Variants in LINGO2 observed in about 807,000 individuals in gnomAD.
LINGO2 encodes leucine-rich repeat and immunoglobulin-like domain-containing nogo receptor-interacting protein 2.
LINGO2 carries 14 observed loss-of-function variants against 30.6 expected under a neutral mutation model. The observed-to-expected ratio is 0.46, with a 90% CI of 0.30 to 0.72. The LOEUF is 0.72. LINGO2 is among the 30% of genes least tolerant of loss of function. The pLI, the probability that LINGO2 is intolerant of heterozygous loss-of-function variation, is 0.07. For synonymous variants in LINGO2, 317 were observed against 288.5 expected, an observed-to-expected ratio of 1.10 and a Z score of -1.00; for missense variants, 729 against 751.7, an observed-to-expected ratio of 0.97 and a Z score of 0.35.
intron 1 of LINGO2, among the ~76,000 whole-genome samples, chr9:28,643,611 A>T (rs1827704771): frequency 6.6e-6 from 1 of 152,128 alleles, no homozygotes; most frequent in Admixed American, 6.6e-5. Context: ...GAAACCTAGG[A>T]TATTGGTCTG....
the LINGO2 span, among the ~76,000 whole-genome samples, chr9:29,087,826 A>T: frequency 6.6e-6 from 1 of 152,130 alleles, no homozygotes; most frequent in Non-Finnish European, 1.5e-5. Context: ...CAGCTCTAGA[A>T]CTTACCAGCC....
chr9:28,601,615 G>A (rs16913380), intron 1 of LINGO2, among the ~76,000 whole-genome samples: 1 of 151,570 alleles, frequency 6.6e-6, no homozygotes, highest in Admixed American at 6.6e-5. Flanking sequence ...CTTTTTATAC[G>A]GCATAATTTG....
chr9:29,038,673 G>GAAAAAAAAAAAAAA, the LINGO2 span, among the ~76,000 whole-genome samples: 1 of 126,084 alleles, frequency 7.9e-6, no homozygotes, highest in African/African-American at 3.0e-5. Context: ...TCACTACTCA[G>GAAAAAAAAAAAAAA]AAAAAAAAAA....
intron 4 of LINGO2, among the ~76,000 whole-genome samples, chr9:28,282,759 T>G (rs1564094344): frequency 6.6e-6 from 1 of 152,132 alleles, no homozygotes; most frequent in Non-Finnish European, 1.5e-5. Flanking sequence ...TCGGAATTCT[T>G]GGCTAGGAAA....
At chr9:28,773,620 C>G in the LINGO2 span, among the ~76,000 whole-genome samples, 13 of 152,176 alleles carry the variant, frequency 8.5e-5, no homozygotes, top group East Asian at 2.1e-3. Flanking sequence ...TTAGGTTTAT[C>G]TATTATTCAT....
At chr9:27,980,219 A>G (rs10968248) in intron 5 of LINGO2, among the ~76,000 whole-genome samples, 41,926 of 151,926 alleles carry the variant, frequency 0.28, 6,682 homozygotes, top group South Asian at 0.35. Context: ...AGAAAGACAC[A>G]GCTTTAGCTA....
the LINGO2 span, among the ~76,000 whole-genome samples, chr9:29,188,708 C>G: frequency 7.2e-6 from 1 of 139,370 alleles, no homozygotes; most frequent in South Asian, 2.2e-4. Context: ...GGGGGCTGAC[C>G]CCCCCACCTC....
chr9:29,125,728 CTAAA>C, the LINGO2 span, among the ~76,000 whole-genome samples: 8 of 152,100 alleles, frequency 5.3e-5, no homozygotes, highest in African/African-American at 1.4e-4. Flanking sequence ...CTGTGGAAGA[CTAAA>C]TGAATGTAGA....
At chr9:28,523,842 C>T (rs1043696964) in intron 1 of LINGO2, among the ~76,000 whole-genome samples, 4 of 149,234 alleles carry the variant, frequency 2.7e-5, no homozygotes, top group East Asian at 1.9e-4. Context: ...ATGGCAATTC[C>T]GTACGAATTG....
rs12004808 is a variant in LINGO2 at position 28,553,515 on chromosome 9, C to T, written c.-364-77490G>A. Among the ~76,000 whole-genome samples the T allele has an allele frequency of 9.6e-3, 1,456 of 152,124 alleles. 10 individuals carry two copies. Among genetic ancestry groups the T allele is most frequent in the Middle Eastern group, 0.02 (6 of 294 alleles). On this transcript the variant is annotated intron_variant, in intron 1 of 5. Coordinates refer to ENST00000379992, the Ensembl canonical transcript of LINGO2. ...GGACTATGTGAAAAGACCAAATCTA[C>T]GTCTGATTGGTGTACCTGGAAGTGA...
chr9:28,512,139 T>A (rs1179495700), intron 1 of LINGO2, among the ~76,000 whole-genome samples: 1 of 152,100 alleles, frequency 6.6e-6, no homozygotes, highest in Non-Finnish European at 1.5e-5. Flanking sequence ...AGCACTTCCA[T>A]TTGATGACGC....
the LINGO2 span, among the ~76,000 whole-genome samples, chr9:28,767,401 T>A: frequency 6.6e-6 from 1 of 152,208 alleles, no homozygotes. Flanking sequence ...GCCCTGACAT[T>A]TATAGCAATT....
At chr9:28,192,372 A>G (rs1819853721) in intron 4 of LINGO2, among the ~76,000 whole-genome samples, 1 of 152,096 alleles carries the variant, frequency 6.6e-6, no homozygotes, top group Admixed American at 6.6e-5. Flanking sequence ...TAATTAATTT[A>G]ATTAATTATT....
chr9:27,971,407 A>G (rs1820348561), intron 5 of LINGO2, among the ~76,000 whole-genome samples: 2 of 152,114 alleles, frequency 1.3e-5, no homozygotes, highest in Non-Finnish European at 2.9e-5. Flanking sequence ...TTTTAGATTG[A>G]GTTCTGCTCC....
chr9:28,602,196 C>T lies in LINGO2; in HGVS notation c.-365+68004G>A, dbSNP rs150670347. ...TTGCATCTCAGAGTTTGTCTTAAGG[C>T]AAGGAATATGGGCTGTTTTGTGTTC... is the stretch of plus-strand genomic sequence containing the variant. On this transcript the variant is annotated intron_variant, in intron 1 of 5. Coordinates refer to ENST00000379992, the Ensembl canonical transcript of LINGO2. Among the ~76,000 whole-genome samples, 357 of 152,080 alleles carry T rather than the reference C, an allele frequency of 2.3e-3. 3 individuals are homozygous for T. The highest frequency in any genetic ancestry group is 8.3e-3 in the African/African-American group (343 of 41,512).
At chr9:28,096,393 A>G (rs992997103) in intron 4 of LINGO2, among the ~76,000 whole-genome samples, 1 of 152,174 alleles carries the variant, frequency 6.6e-6, no homozygotes, top group African/African-American at 2.4e-5. Flanking sequence ...GGTAAATTTT[A>G]GCTTATGATT....
chr9:29,011,557 A>C, the LINGO2 span, among the ~76,000 whole-genome samples: 2 of 152,208 alleles, frequency 1.3e-5, no homozygotes, highest in South Asian at 4.1e-4. Flanking sequence ...TTTATATTGT[A>C]GCAAATGTGC....
chr9:28,992,394 T>G, the LINGO2 span, among the ~76,000 whole-genome samples: 1 of 151,802 alleles, frequency 6.6e-6, no homozygotes, highest in African/African-American at 2.4e-5. Flanking sequence ...CAAAGAGACT[T>G]AGACTCCCAC....
chr9:29,105,949 C>T, the LINGO2 span, among the ~76,000 whole-genome samples: 2 of 152,168 alleles, frequency 1.3e-5, no homozygotes, highest in African/African-American at 4.8e-5. Flanking sequence ...TCCTGTCAAA[C>T]CATCACATGA....
Sources: gnomAD v4.1 joint callset for allele counts (sites outside exome capture counted in the v4.1 genomes callset) on GRCh38, gnomAD v4.1.1 for gene constraint, MANE v1.5 for transcripts, NCBI Gene and HGNC (gene_info 2026-07-23, HGNC 2026-07-21) for gene names.